The following N4BP3 variants were observed in gnomAD, a reference collection of about 807,000 sequenced individuals.
The protein encoded by N4BP3 is NEDD4-binding protein 3.
A neutral mutation model predicts 43.8 loss-of-function variants in N4BP3; 33 were observed. That is an observed-to-expected ratio of 0.75 (90% CI 0.57 to 1.01). The LOEUF (loss-of-function observed/expected upper bound fraction) is 1.01, where lower values mean the gene tolerates loss of function less well. N4BP3 is among the 50% of genes least tolerant of loss of function. The pLI is 0.00. For missense variants in N4BP3, 756 were observed against 744.2 expected (o/e 1.02, Z -0.18); for synonymous variants, 326 against 321.9 (o/e 1.01, Z -0.14).
chr5:178,119,361 T>C (rs1757850637), intron 1 of N4BP3, among the ~76,000 whole-genome samples, 193 bp from the exon 2 acceptor site: 2 of 152,192 alleles, frequency 1.3e-5, no homozygotes, highest in African/African-American at 4.8e-5. Context: ...GCAGGTGGCT[T>C]TGGGGCTTGT....
Position 178,121,634 on chromosome 5 carries a change from G to C in N4BP3, c.1268G>C (p.Arg423Pro). Residue 423 changes from arginine (R) to proline (P), a missense_variant, in exon 5 of 5, where the codon CGC becomes CCC. By Grantham distance (103) the Arg-to-Pro change is moderately radical (BLOSUM62 -2). Transcript: ENST00000274605. Reference sequence around the variant, plus strand: ...CAGGACGCAGAGCTGGTCCGGCTGCGCGAGGCTGTGCGCAGCCTGCAGGAG... The same window carrying C: ...CAGGACGCAGAGCTGGTCCGGCTGCCCGAGGCTGTGCGCAGCCTGCAGGAG... ...QAQDAELVRL[R>P]EAVRSLQEQA... 1 of 1,612,702 alleles carries C rather than the reference G, an allele frequency of 6.2e-7. No homozygotes were observed. Among genetic ancestry groups the C allele is most frequent in the Non-Finnish European group, 8.5e-7 (1 of 1,179,860 alleles).
chr5:178,114,881 A>G (rs6601213), intron 1 of N4BP3, among the ~76,000 whole-genome samples: 151,971 of 152,366 alleles, frequency 1, 75,791 homozygotes, highest in Middle Eastern at 1. Flanking sequence ...CCTGGTTGCA[A>G]GTGTCCTTGG....
rs534626032 is a variant in N4BP3 at position 178,120,587 on chromosome 5, C to A, written c.740C>A (p.Pro247His). The A allele has an allele frequency of 7.4e-6, 12 of 1,612,692 alleles. No individual in the cohort carries two copies. The highest frequency in any genetic ancestry group is 4.4e-5 in the South Asian group (4 of 91,092). The part of the protein sequence containing the change: ...VLSCLPEPPP[P>H]YEFSCSSAEE... ...AGCTGCCTGCCCGAGCCACCACCCC[C>A]CTACGAGTTCTCCTGCTCCTCTGCC... Residue 247 changes from proline to histidine, a missense_variant, in exon 3 of 5, where the codon CCC becomes CAC. By Grantham distance (77) the Pro-to-His change is moderately conservative (BLOSUM62 -2). Transcript: ENST00000274605.
Position 178,120,385 on chromosome 5 carries a change from G to A in N4BP3, c.538G>A (p.Gly180Ser), listed in dbSNP as rs1757887758. 6.2e-7 allele frequency: 1 copy of A among 1,612,636 alleles called. No individual in the cohort carries two copies. Among genetic ancestry groups the A allele is most frequent in the Non-Finnish European group, 8.5e-7 (1 of 1,179,890 alleles). ...GCTGCACGCCCTCAGCCTAGATGAGGGCGGCCCTGAGCCCGAGCCCAGCCT... is the reference window on the plus strand; with the variant it reads ...GCTGCACGCCCTCAGCCTAGATGAGAGCGGCCCTGAGCCCGAGCCCAGCCT... Reference protein sequence around the residue: ...QLLHALSLDEGGPEPEPSLSD... With the variant: ...QLLHALSLDESGPEPEPSLSD... Residue 180 changes from glycine (G) to serine (S), a missense_variant, in exon 3 of 5, where the codon GGC (glycine) becomes AGC (serine). By Grantham distance (56) the Gly-to-Ser change is moderately conservative. Coordinates refer to ENST00000274605, the MANE Select transcript of N4BP3 (RefSeq NM_015111.2).
chr5:178,121,368 G>A lies in N4BP3; in HGVS notation c.1107+16G>A. 1 of 1,605,372 alleles carries A rather than the reference G, an allele frequency of 6.2e-7. No homozygotes were observed. Among genetic ancestry groups the A allele is most frequent in the Non-Finnish European group, 8.5e-7 (1 of 1,175,034 alleles). ...CCGATGGGAGGTGAGAGATGACACAGGGCTCCGAGACTCTCCCATCTCCAT... is the reference window on the plus strand; with the variant it reads ...CCGATGGGAGGTGAGAGATGACACAAGGCTCCGAGACTCTCCCATCTCCAT... On this transcript the variant is annotated intron_variant, in intron 4 of 4. Transcript: ENST00000274605.
intron 1 of N4BP3, among the ~76,000 whole-genome samples, chr5:178,116,090 G>T (rs1757765910): frequency 6.6e-6 from 1 of 152,178 alleles, no homozygotes. Context: ...ACCCGTGCAG[G>T]GTCCCCGGCT....
chr5:178,119,840 T>C lies in N4BP3; in HGVS notation c.257T>C (p.Leu86Pro). Residue 86 changes from leucine (L) to proline (P), a missense_variant, in exon 2 of 5, where the codon CTC (leucine) becomes CCC (proline). Physicochemically the swap from Leu to Pro is moderately conservative, Grantham distance 98. Coordinates refer to ENST00000274605, the MANE Select transcript of N4BP3 (RefSeq NM_015111.2). ...AACGAGCCTGCCGACTATGCCACCC[T>C]CTACTACCGGGAACATTCTCGCGCG... ...PRNEPADYAT[L>P]YYREHSRAGD... 6.2e-7 allele frequency: 1 copy of C among 1,613,074 alleles called. No homozygotes were observed. The highest frequency in any genetic ancestry group is 8.5e-7 in the Non-Finnish European group (1 of 1,179,980).
intron 1 of N4BP3, among the ~76,000 whole-genome samples, chr5:178,116,741 G>A (rs1757781651): frequency 6.6e-6 from 1 of 152,168 alleles, no homozygotes. Flanking sequence ...GCGATGCCTC[G>A]TGGGGAACCT....
At position 178,117,638 on chromosome 5, in the gene N4BP3, A is replaced by AAAAAAAG. The variant is rs148196961; in HGVS notation, c.-30-1916_-30-1915insAAAAAAG. Among the ~76,000 whole-genome samples the AAAAAAAG allele has an allele frequency of 9.2e-5, 10 of 108,398 alleles. 1 individual carries two copies. Among genetic ancestry groups the AAAAAAAG allele is most frequent in the East Asian group, 2.8e-4 (1 of 3,636 alleles). The allele number at this position is 108,398 out of a possible 152,430, so 71.1% of individuals were successfully genotyped here. ...GTCTCAAAAAAAAAAAAAAAAAAAA[A>AAAAAAAG]GAAGGGACAATAACTCTGTCACAGG... On this transcript the variant is annotated intron_variant, in intron 1 of 4. Transcript: ENST00000274605.
rs1303334588 is a variant in N4BP3 at position 178,119,661 on chromosome 5, T to C, written c.78T>C (p.Pro26=). The part of the protein sequence containing the change: ...GSLLERQDFS[P]EELRAALAGS... ...TGTTGGAACGGCAGGACTTCTCCCC[T>C]GAAGAGCTGCGGGCGGCACTTGCCG... The change falls in exon 2 of 5, where the codon CCT becomes CCC. Residue 26 remains proline (P), a synonymous_variant. Transcript: ENST00000274605. 1 of 1,605,896 alleles carries C rather than the reference T, an allele frequency of 6.2e-7. No homozygotes were observed. The highest frequency in any genetic ancestry group is 1.1e-5 in the South Asian group (1 of 89,886).
intron 1 of N4BP3, among the ~76,000 whole-genome samples, chr5:178,116,520 G>A (rs1362733323): frequency 1.3e-5 from 2 of 152,168 alleles, no homozygotes; most frequent in Non-Finnish European, 2.9e-5. Context: ...CCACTGGGCT[G>A]CTCCTGCTTT....
rs910487075 is a variant in N4BP3, at chr5:178,119,558, A to G, written c.-26A>G. 9 of 1,511,772 alleles carry G rather than the reference A, an allele frequency of 6.0e-6. No individual in the cohort carries two copies. Among genetic ancestry groups the G allele is most frequent in the Non-Finnish European group, 7.1e-6 (8 of 1,130,624 alleles). The allele number at this position is 1,511,772 out of a possible 1,614,324, so 93.6% of individuals were successfully genotyped here. A position where few individuals can be genotyped will look rare whatever the true frequency, so the allele number is the denominator to read the frequency against. Reference sequence around the variant, plus strand: ...ATGGAGCCTCCCAATTCCCAGAAGCAGCTGCCTGTACCCTGTTGAAACTTC... The same window carrying G: ...ATGGAGCCTCCCAATTCCCAGAAGCGGCTGCCTGTACCCTGTTGAAACTTC... On this transcript the variant is annotated 5_prime_UTR_variant, in exon 2 of 5. Coordinates refer to ENST00000274605, the MANE Select transcript of N4BP3 (RefSeq NM_015111.2).
downstream of N4BP3, among the ~76,000 whole-genome samples, chr5:178,126,853 A>G (rs1312719351): frequency 6.6e-6 from 1 of 152,170 alleles, no homozygotes; most frequent in African/African-American, 2.4e-5. Context: ...TTTGTTTGCC[A>G]TGCATTTCCT....
chr5:178,121,633 C>A lies in N4BP3; in HGVS notation c.1267C>A (p.Arg423Ser). The change falls in exon 5 of 5, where the codon CGC (arginine) becomes AGC (serine). Residue 423 changes from arginine to serine, a missense_variant. Physicochemically the swap from Arg to Ser is moderately radical, Grantham distance 110. Coordinates refer to ENST00000274605, the MANE Select transcript of N4BP3 (RefSeq NM_015111.2). ...TCAGGACGCAGAGCTGGTCCGGCTG[C>A]GCGAGGCTGTGCGCAGCCTGCAGGA... ...QAQDAELVRL[R>S]EAVRSLQEQA... 6.2e-7 allele frequency: 1 copy of A among 1,612,748 alleles called. No individual in the cohort carries two copies. The highest frequency in any genetic ancestry group is 8.5e-7 in the Non-Finnish European group (1 of 1,179,860).
Position 178,122,663 on chromosome 5 carries a change from C to G in N4BP3, c.*662C>G, listed in dbSNP as rs1221712809. ...AGTGGAGTTTTCAGAAGGAACAACA[C>G]CAGGGAATGCCAAAAAAACAAAGGG... On this transcript the variant is annotated 3_prime_UTR_variant, in exon 5 of 5. Coordinates refer to ENST00000274605, the MANE Select transcript of N4BP3 (RefSeq NM_015111.2). 1.3e-5 allele frequency: 2 copies of G among 152,120 alleles called. No individual in the cohort carries two copies. The highest frequency in any genetic ancestry group is 2.9e-5 in the Non-Finnish European group (2 of 68,042). The allele number at this position is 152,120 out of a possible 1,614,324, so 9.4% of individuals were successfully genotyped here.
At chr5:178,115,776 C>T (rs536871681) in intron 1 of N4BP3, among the ~76,000 whole-genome samples, 1 of 152,194 alleles carries the variant, frequency 6.6e-6, no homozygotes, top group Non-Finnish European at 1.5e-5. Flanking sequence ...CGCGTCCTCT[C>T]CTTCTTTGCT....
In N4BP3 at chr5:178,121,408, T is replaced by C. The variant is rs755116772; in HGVS notation, c.1107+56T>C. 1.9e-6 allele frequency: 3 copies of C among 1,612,758 alleles called. No homozygotes were observed. In the South Asian group the frequency reaches 3.3e-5, roughly 18 times the overall value. On this transcript the variant is annotated intron_variant, in intron 4 of 4. Transcript: ENST00000274605. ...CCCATCTCCATTGCCGGTCCCTTCT[T>C]CTGCCTGCCCCCTCCCAAACCGGCT...
chr5:178,124,984 C>T lies in N4BP3; in HGVS notation c.*2983C>T, dbSNP rs3812073. 0.17 allele frequency: 26,113 copies of T among 152,208 alleles called. 2,498 individuals carry two copies. The highest frequency in any genetic ancestry group is 0.28 in the East Asian group (1,429 of 5,170). The allele number at this position is 152,208 out of a possible 1,614,324, so 9.4% of individuals were successfully genotyped here. A position where few individuals can be genotyped will look rare whatever the true frequency, so the allele number is the denominator to read the frequency against. ...TGCCGGGGTAGGGTGGTGTCTTCAC[C>T]ACAGCTCCAGAAGGCACTGGTGGGA... On this transcript the variant is annotated 3_prime_UTR_variant, in exon 5 of 5. Coordinates refer to ENST00000274605, the MANE Select transcript of N4BP3 (RefSeq NM_015111.2).
Position 178,121,156 on chromosome 5 carries a change from G to T in N4BP3, c.911G>T (p.Arg304Leu). ...GAGCTGAAGCGCCTGTATGTGGAGCGGCTGCACGAGGTGACCCAGAAGGCT... is the reference window on the plus strand; with the variant it reads ...GAGCTGAAGCGCCTGTATGTGGAGCTGCTGCACGAGGTGACCCAGAAGGCT... ...LAELKRLYVERLHEVTQKAER... is the reference protein window; with the variant it reads ...LAELKRLYVELLHEVTQKAER... The change falls in exon 4 of 5, where the codon CGG becomes CTG. Residue 304 changes from arginine (R) to leucine (L), a missense_variant. By Grantham distance (102) the Arg-to-Leu change is moderately radical. Coordinates refer to ENST00000274605, the MANE Select transcript of N4BP3 (RefSeq NM_015111.2). 6.2e-7 allele frequency: 1 copy of T among 1,600,410 alleles called. No individual in the cohort carries two copies.
Sources: allele counts gnomAD v4.1 joint callset (sites outside exome capture counted in the v4.1 genomes callset), GRCh38; gene constraint gnomAD v4.1.1; transcripts MANE v1.5; gene names NCBI Gene and HGNC (gene_info 2026-07-23, HGNC 2026-07-21).